The following COL11A1 variants were observed in gnomAD, a reference collection of about 807,000 sequenced individuals.
COL11A1 encodes collagen type XI alpha 1 chain.
Under a neutral mutation model 265.2 loss-of-function variants are expected in COL11A1, and 74 were observed. That is an observed-to-expected ratio of 0.28 (90% CI 0.23 to 0.34). COL11A1 has a LOEUF of 0.34. Among genes scored for constraint, COL11A1 ranks in the 10% least tolerant of loss-of-function variants. COL11A1 has a pLI of 1.00. For missense variants in COL11A1, 2,165 were observed against 2,263.6 expected (o/e 0.96, Z 0.88); for synonymous variants, 816 against 727.6 (o/e 1.12, Z -1.96).
chr1:103,001,100 A>G, intron 24 of COL11A1: 2 of 397,234 alleles, frequency 5.0e-6, no homozygotes, highest in Non-Finnish European at 8.9e-6. Flanking sequence ...AAGCAAATTA[A>G]TTGTTAGCTA....
At chr1:102,921,127 T>C (rs1655944940) in intron 48 of COL11A1, among the ~76,000 whole-genome samples, 3 of 152,228 alleles carry the variant, frequency 2.0e-5, no homozygotes, top group Non-Finnish European at 2.9e-5. Flanking sequence ...TAACATTATA[T>C]AGTCTGAAAA....
At chr1:103,026,189 C>A (rs1244869670) in intron 6 of COL11A1, 27 bp downstream of exon 6, 1 of 1,484,050 alleles carries the variant, frequency 6.7e-7, no homozygotes, top group East Asian at 2.3e-5. Context: ...CAGGACACCA[C>A]ATACACAGGC....
chr1:103,082,768 A>C lies in COL11A1; in HGVS notation c.274+37T>G, dbSNP rs751463345. On this transcript the variant is annotated intron_variant, in intron 2 of 66. Coordinates refer to ENST00000370096, the MANE Select transcript of COL11A1 (RefSeq NM_001854.4). ...TAGTAACAAAAGTGTAATAACTTTT[A>C]GTAATAATAACAATAATAATAATAA... 3 of 1,536,892 alleles carry C rather than the reference A, an allele frequency of 2.0e-6. No homozygotes were observed. The Middle Eastern group carries it at 5.9e-4, about 302-fold the overall frequency.
chr1:103,016,137 G>A (rs1035653585), intron 11 of COL11A1, among the ~76,000 whole-genome samples: 2 of 151,838 alleles, frequency 1.3e-5, no homozygotes, highest in Non-Finnish European at 2.9e-5. Context: ...AAATTACTAG[G>A]TTTAAGGTAT....
chr1:102,953,655 A>T (rs1660103511), intron 41 of COL11A1, among the ~76,000 whole-genome samples: 1 of 152,198 alleles, frequency 6.6e-6, no homozygotes, highest in Non-Finnish European at 1.5e-5. Context: ...TAAAATCTCA[A>T]ATAATTGTAG....
intron 7 of COL11A1, among the ~76,000 whole-genome samples, chr1:103,024,812 A>G (rs1177730255): frequency 1.3e-5 from 2 of 152,260 alleles, no homozygotes; most frequent in East Asian, 3.9e-4. Context: ...ACTAAATTAC[A>G]TTTCTTATAT....
intron 57 of COL11A1, among the ~76,000 whole-genome samples, chr1:102,896,595 A>T (rs187212145): frequency 5.3e-4 from 81 of 152,268 alleles, no homozygotes; most frequent in African/African-American, 1.8e-3. Flanking sequence ...CATGCAGCCC[A>T]CTTCTGATGT....
intron 41 of COL11A1, among the ~76,000 whole-genome samples, chr1:102,956,297 A>G (rs79197219): frequency 0.029 from 4,484 of 152,190 alleles, 250 homozygotes; most frequent in African/African-American, 0.1. Context: ...CTGTTCTTTT[A>G]GTATATTCTT....
In COL11A1 at chr1:102,901,319, T is replaced by TAAA. The variant is rs35142040; in HGVS notation, c.4087-2328_4087-2326dup. Among the ~76,000 whole-genome samples, 53 of 125,776 alleles carry TAAA rather than the reference T, an allele frequency of 4.2e-4. 1 individual carries two copies. Among genetic ancestry groups the TAAA allele is most frequent in the Middle Eastern group, 4.2e-3 (1 of 240 alleles). 82.5% of individuals were successfully genotyped at this position (125,776 alleles called of 152,430 possible). ...TGGGAAATAAAAGCAAAACTCTGTC[T>TAAA]AAAAAAAAAAAAAAAAAACTGAGGC... is the stretch of plus-strand genomic sequence containing the variant. On this transcript the variant is annotated intron_variant, in intron 54 of 66. Transcript: ENST00000370096.
At chr1:103,077,032 C>A (rs115501987) in intron 3 of COL11A1, among the ~76,000 whole-genome samples, 2,174 of 151,990 alleles carry the variant, frequency 0.014, 39 homozygotes, top group African/African-American at 0.05. Context: ...AGTATAGGAC[C>A]TACCTAGCAC....
intron 1 of COL11A1, among the ~76,000 whole-genome samples, chr1:103,101,373 A>T (rs1385202696): frequency 1.3e-5 from 2 of 152,020 alleles, no homozygotes; most frequent in East Asian, 3.9e-4. Context: ...TAAAGACAGA[A>T]GTAAAGGAAA....
At chr1:103,041,148 A>G (rs1045650885) in intron 4 of COL11A1, among the ~76,000 whole-genome samples, 1 of 151,968 alleles carries the variant, frequency 6.6e-6, no homozygotes, top group Non-Finnish European at 1.5e-5. Context: ...CCTGTTTCAC[A>G]GAGTTAGCAT....
In COL11A1 at chr1:102,962,735, A is replaced by G. The variant is rs1244379073; in HGVS notation, c.2942T>C (p.Ile981Thr). The G allele has an allele frequency of 6.2e-6, 10 of 1,614,136 alleles. No individual in the cohort carries two copies. Among genetic ancestry groups the G allele is most frequent in the Non-Finnish European group, 7.6e-6 (9 of 1,180,004 alleles). ...PQGPTGETGP[I>T]GERGHPGPPG... ...AGGGCCAGGATGCCCACGTTCCCCT[A>G]TTGGACCAGTCTCACCGGTTGGTCC... The change falls in exon 39 of 67, where the codon ATA becomes ACA. Residue 981 changes from isoleucine (I) to threonine (T), a missense_variant. Ile to Thr is a moderately conservative substitution (Grantham distance 89). Coordinates refer to ENST00000370096, the MANE Select transcript of COL11A1 (RefSeq NM_001854.4).
intron 4 of COL11A1, among the ~76,000 whole-genome samples, chr1:103,044,149 G>A (rs115116841): frequency 1.3e-5 from 2 of 149,374 alleles, no homozygotes; most frequent in Admixed American, 6.7e-5. Flanking sequence ...ATTTGCCAAG[G>A]CATTAACTCT....
chr1:103,012,319 C>A, intron 14 of COL11A1, 94 bp downstream of exon 14: 1 of 904,554 alleles, frequency 1.1e-6, no homozygotes, highest in Non-Finnish European at 1.8e-6. Flanking sequence ...CTATTGTCAC[C>A]AACCATAGAT....
At chr1:103,084,999 ATTAT>A (rs1416023546) in intron 1 of COL11A1, among the ~76,000 whole-genome samples, 9 of 152,248 alleles carry the variant, frequency 5.9e-5, no homozygotes, top group African/African-American at 1.4e-4. Flanking sequence ...AAATGAAATA[ATTAT>A]TTATCCAATT....
At chr1:102,890,405 T>TATAATAAAAGA in intron 58 of COL11A1, 46 bp downstream of exon 58, 1 of 1,454,030 alleles carries the variant, frequency 6.9e-7, no homozygotes, top group Non-Finnish European at 9.5e-7. Context: ...GCTATTAGTA[T>TATAATAAAAGA]ATAAAAGCAT....
At chr1:102,990,125 C>A (rs1663986144) in intron 28 of COL11A1, among the ~76,000 whole-genome samples, 1 of 152,002 alleles carries the variant, frequency 6.6e-6, no homozygotes, top group Admixed American at 6.6e-5. Context: ...GTCAAGGCTG[C>A]AGTGAGCCGT....
chr1:103,102,026 G>A (rs561346544), intron 1 of COL11A1, among the ~76,000 whole-genome samples: 12 of 152,126 alleles, frequency 7.9e-5, no homozygotes, highest in South Asian at 4.1e-4. Context: ...GCCAAAGACT[G>A]CAACTGATAA....
Sources: gnomAD v4.1 joint callset for allele counts (sites outside exome capture counted in the v4.1 genomes callset) on GRCh38, gnomAD v4.1.1 for gene constraint, MANE v1.5 for transcripts, NCBI Gene and HGNC (gene_info 2026-07-23, HGNC 2026-07-21) for gene names.